The following FBRSL1 variants were observed in gnomAD, a reference collection of about 807,000 sequenced individuals.
FBRSL1 encodes the protein fibrosin-1-like protein.
Under a neutral mutation model 89.6 loss-of-function variants are expected in FBRSL1, and 51 were observed. The ratio of observed to expected loss-of-function variants is 0.57; its 90% CI spans 0.45 to 0.72. The LOEUF is 0.72. Ranked by LOEUF, FBRSL1 falls within the 30% of genes least tolerant of loss-of-function variation. The pLI is 0.00. For missense variants in FBRSL1, 1,618 were observed against 1,451.8 expected (o/e 1.11, Z -1.86); for synonymous variants, 779 against 681.1 (o/e 1.14, Z -2.24).
Position 132,583,161 on chromosome 12 carries a change from G to A in FBRSL1, c.2392G>A (p.Ala798Thr). Residue 798 changes from alanine to threonine, a missense_variant, in exon 19 of 19, where the codon GCG becomes ACG. Ala to Thr is a moderately conservative substitution (Grantham distance 58, BLOSUM62 0). Coordinates refer to ENST00000680143, the MANE Select transcript of FBRSL1 (RefSeq NM_001367871.1). ...PAKEEAAKMP[A>T]RASPPHSKAA... ...CAAGGAGGAGGCCGCCAAGATGCCC[G>A]CGCGCGCATCCCCGCCCCACAGCAA... 1 of 1,461,304 alleles carries A rather than the reference G, an allele frequency of 6.8e-7. No homozygotes were observed. Among genetic ancestry groups the A allele is most frequent in the Non-Finnish European group, 9.0e-7 (1 of 1,110,644 alleles). 90.5% of individuals were successfully genotyped at this position (1,461,304 alleles called of 1,614,324 possible). A position where few individuals can be genotyped will look rare whatever the true frequency, so the allele number is the denominator to read the frequency against.
rs892250616 is a variant in FBRSL1 at position 132,511,768 on chromosome 12, G to T, written c.489+3418G>T. The T allele has an allele frequency of 2.4e-5, 24 of 985,252 alleles. No individual in the cohort carries two copies. In the Admixed American group the frequency reaches 1.2e-3, roughly 48 times the overall value. 61.0% of individuals were successfully genotyped at this position (985,252 alleles called of 1,614,324 possible). A position where few individuals can be genotyped will look rare whatever the true frequency, so the allele number is the denominator to read the frequency against. ...ACTTGCTCATGAGGACCCCACCCCC[G>T]CAGGCCCTCCCGGGTCCTGACCAGC... On this transcript the variant is annotated intron_variant, in intron 2 of 18. Transcript: ENST00000680143.
intron 15 of FBRSL1, among the ~76,000 whole-genome samples, chr12:132,577,946 C>T (rs116207017): frequency 1.0e-3 from 159 of 152,338 alleles, no homozygotes; most frequent in African/African-American, 3.6e-3. Flanking sequence ...CACGCGTGTA[C>T]GCACACGTGA....
chr12:132,517,744 C>G (rs1361618661), intron 2 of FBRSL1, among the ~76,000 whole-genome samples: 2 of 152,280 alleles, frequency 1.3e-5, no homozygotes, highest in Non-Finnish European at 2.9e-5. Context: ...GGGGCCTGGT[C>G]TCATACAGAG....
chr12:132,539,681 C>G (rs79555589), intron 4 of FBRSL1, among the ~76,000 whole-genome samples: 1 of 127,696 alleles, frequency 7.8e-6, no homozygotes, highest in Non-Finnish European at 1.6e-5. Flanking sequence ...GATGCCCACC[C>G]AGTCCTGCCT....
intron 7 of FBRSL1, 38 bp from the exon 8 acceptor site, chr12:132,570,297 G>A: frequency 6.6e-7 from 1 of 1,516,664 alleles, no homozygotes; most frequent in Non-Finnish European, 8.8e-7. Context: ...GGCTCTGCAG[G>A]GGTCGGGCTG....
intron 5 of FBRSL1, among the ~76,000 whole-genome samples, chr12:132,560,520 C>A (rs1319175479): frequency 6.6e-6 from 1 of 152,042 alleles, no homozygotes; most frequent in Non-Finnish European, 1.5e-5. Flanking sequence ...TTGTCTGCGC[C>A]CAGGTGCGGA....
chr12:132,551,027 C>T lies in FBRSL1; in HGVS notation c.645+2995C>T, dbSNP rs997828430. 3 of 248,454 alleles carry T rather than the reference C, an allele frequency of 1.2e-5. No individual in the cohort carries two copies. In the East Asian group the frequency reaches 2.9e-4, roughly 24 times the overall value. 15.4% of individuals were successfully genotyped at this position (248,454 alleles called of 1,614,324 possible). The stretch of plus-strand genomic sequence containing the variant: ...GCCGTCCCCAGCCCTCCTCCCTACC[C>T]GCTGGGAGCAGAGGCACCCAGATCT... On this transcript the variant is annotated intron_variant, in intron 5 of 18. Coordinates refer to ENST00000680143, the MANE Select transcript of FBRSL1 (RefSeq NM_001367871.1).
At chr12:132,548,982 C>G (rs867317419) in intron 5 of FBRSL1, among the ~76,000 whole-genome samples, 1 of 152,216 alleles carries the variant, frequency 6.6e-6, no homozygotes, top group Non-Finnish European at 1.5e-5. Context: ...TTAGGGGACG[C>G]CCACTGTGGC....
At chr12:132,580,769 AGAT>A (rs1277910669) in intron 15 of FBRSL1, 4 of 985,464 alleles carry the variant, frequency 4.1e-6, no homozygotes, top group Non-Finnish European at 4.8e-6. Context: ...AGTAACCTAA[AGAT>A]GACGCCCTGC....
chr12:132,544,598 G>GTGA (rs1360280853), intron 4 of FBRSL1, among the ~76,000 whole-genome samples: 9 of 152,278 alleles, frequency 5.9e-5, no homozygotes, highest in Middle Eastern at 3.4e-3. Flanking sequence ...GGTAACGACA[G>GTGA]TGATGGTGGT....
intron 4 of FBRSL1, among the ~76,000 whole-genome samples, chr12:132,531,782 C>T (rs1363574401): frequency 1.3e-5 from 2 of 152,368 alleles, no homozygotes; most frequent in Non-Finnish European, 2.9e-5. Flanking sequence ...CACAGCCAGG[C>T]CAGCAGCCTC....
intron 1 of FBRSL1, among the ~76,000 whole-genome samples, chr12:132,503,756 G>A (rs1349395268): frequency 6.6e-6 from 1 of 152,238 alleles, no homozygotes; most frequent in Non-Finnish European, 1.5e-5. Context: ...TGCAGGGAGA[G>A]CTGTGGGGTT....
intron 5 of FBRSL1, chr12:132,565,568 CGT>C (rs997960153): frequency 2.0e-5 from 3 of 152,190 alleles, no homozygotes; most frequent in African/African-American, 4.8e-5. Flanking sequence ...TTCATGTATC[CGT>C]GTGTGTACGT....
In FBRSL1 at chr12:132,543,733, C is replaced by T. The variant is rs192563843; in HGVS notation, c.616-4270C>T. The stretch of plus-strand genomic sequence containing the variant: ...AGCCTGGAGGTGCTAAGCATCCCCA[C>T]CGCATAGCCACATCTGTGAAAACAG... On this transcript the variant is annotated intron_variant, in intron 4 of 18. Coordinates refer to ENST00000680143, the MANE Select transcript of FBRSL1 (RefSeq NM_001367871.1). 2.2e-3 allele frequency among the ~76,000 whole-genome samples: 341 copies of T among 152,332 alleles called. 3 individuals carry two copies. The highest frequency in any genetic ancestry group is 7.7e-3 in the African/African-American group (321 of 41,578).
rs1311471452 is a variant in FBRSL1 at position 132,521,389 on chromosome 12, G to GCTGGAAC, written c.490-4344_490-4343insTGGAACC. On this transcript the variant is annotated intron_variant, in intron 2 of 18. Coordinates refer to ENST00000680143, the MANE Select transcript of FBRSL1 (RefSeq NM_001367871.1). ...CGTCTCCTGCTGGAACTGTGGCCCA[G>GCTGGAAC]CCCAACTAGGGGGTGTGGGGGCCTG... is the stretch of plus-strand genomic sequence containing the variant. Among the ~76,000 whole-genome samples, 3 of 152,338 alleles carry GCTGGAAC rather than the reference G, an allele frequency of 2.0e-5. No individual in the cohort carries two copies. The East Asian group carries it at 5.8e-4, about 29-fold the overall frequency.
intron 14 of FBRSL1, among the ~76,000 whole-genome samples, chr12:132,575,573 G>T (rs1004982897): frequency 6.6e-6 from 1 of 152,266 alleles, no homozygotes; most frequent in Non-Finnish European, 1.5e-5. Flanking sequence ...GGAACTTCTG[G>T]ACACACAGCA....
chr12:132,551,231 G>A (rs943571354), intron 5 of FBRSL1: 18 of 368,266 alleles, frequency 4.9e-5, no homozygotes, highest in Non-Finnish European at 1.6e-5. Flanking sequence ...GAACCCGTCT[G>A]TGAACTGGAT....
chr12:132,523,855 C>T (rs913186310), intron 2 of FBRSL1, among the ~76,000 whole-genome samples: 3 of 152,184 alleles, frequency 2.0e-5, no homozygotes, highest in African/African-American at 4.8e-5. Flanking sequence ...GAGTGGGACA[C>T]GTGGCTTCCT....
chr12:132,540,861 G>T (rs941150773), intron 4 of FBRSL1, among the ~76,000 whole-genome samples: 4 of 152,192 alleles, frequency 2.6e-5, no homozygotes, highest in African/African-American at 9.7e-5. Flanking sequence ...CCTGGGCTCA[G>T]CTCCAGGCCC....
Sources: allele counts gnomAD v4.1 joint callset (sites outside exome capture counted in the v4.1 genomes callset), GRCh38; gene constraint gnomAD v4.1.1; transcripts MANE v1.5; gene names NCBI Gene and HGNC (gene_info 2026-07-23, HGNC 2026-07-21).